TC2N: variants seen among roughly 807,000 people sequenced by gnomAD.
The protein encoded by TC2N is tandem C2 domains nuclear protein.
TC2N carries 51 observed loss-of-function variants against 61.9 expected under a neutral mutation model. The observed-to-expected ratio is 0.82, with a 90% CI of 0.66 to 1.04. The LOEUF is 1.04. TC2N is among the 50% of genes least tolerant of loss of function. The pLI is 0.00. For synonymous variants in TC2N, 204 were observed against 192.6 expected, an observed-to-expected ratio of 1.06 and a Z score of -0.49; for missense variants, 556 against 566.7, an observed-to-expected ratio of 0.98 and a Z score of 0.19.
chr14:91,814,056 GAAAA>G (rs372400811), intron 1 of TC2N, among the ~76,000 whole-genome samples: 1 of 146,904 alleles, frequency 6.8e-6, no homozygotes. Context: ...TTAAAATCTG[GAAAA>G]AAAAAGAAAA....
chr14:91,838,146 CTT>C (rs11406325), intron 1 of TC2N, among the ~76,000 whole-genome samples: 16 of 131,780 alleles, frequency 1.2e-4, no homozygotes, highest in Non-Finnish European at 1.6e-4. Flanking sequence ...TCATTTGTTC[CTT>C]TTTTTTTTTT....
chr14:91,842,370 T>C (rs902988853), intron 1 of TC2N, among the ~76,000 whole-genome samples: 2 of 152,232 alleles, frequency 1.3e-5, no homozygotes, highest in East Asian at 1.9e-4. Context: ...TATGCCCTAG[T>C]AGTGGTCTCC....
intron 1 of TC2N, among the ~76,000 whole-genome samples, chr14:91,853,926 A>AT (rs1566790559): frequency 6.6e-6 from 1 of 152,168 alleles, no homozygotes; most frequent in Non-Finnish European, 1.5e-5. Flanking sequence ...TAAAAAAAAA[A>AT]GTAAGTACTG....
intron 5 of TC2N, among the ~76,000 whole-genome samples, chr14:91,799,602 A>T (rs945242132): frequency 6.6e-6 from 1 of 152,134 alleles, no homozygotes; most frequent in African/African-American, 2.4e-5. Flanking sequence ...TGCTATAAAA[A>T]AATTAAATCT....
rs1353349629 is a variant in TC2N at position 91,867,479 on chromosome 14, C to A, written c.-274G>T. Reference sequence around the variant, plus strand: ...CCCTCTGTTTTATAAGCTTTGAAACCAGAGCATCCTGAGCCATTTGGTGCT... The same window carrying A: ...CCCTCTGTTTTATAAGCTTTGAAACAAGAGCATCCTGAGCCATTTGGTGCT... On this transcript the variant is annotated 5_prime_UTR_variant, in exon 1 of 12. Transcript: ENST00000435962. 6.6e-6 allele frequency: 1 copy of A among 152,202 alleles called. No individual in the cohort carries two copies. The highest frequency in any genetic ancestry group is 1.5e-5 in the Non-Finnish European group (1 of 68,062). 9.4% of individuals were successfully genotyped at this position (152,202 alleles called of 1,614,324 possible).
rs528139113 is a variant in TC2N, at chr14:91,779,950, A to G, written c.*3150T>C. On this transcript the variant is annotated 3_prime_UTR_variant, in exon 12 of 12. Transcript: ENST00000435962. ...AGGAGGCTCCATTAACTCTTTTAAT[A>G]TATTTCTAAATCTTAAATCTATATT... The G allele has an allele frequency of 2.0e-5, 3 of 152,224 alleles. No homozygotes were observed. The highest frequency in any genetic ancestry group is 4.8e-5 in the African/African-American group (2 of 41,462). 9.4% of individuals were successfully genotyped at this position (152,224 alleles called of 1,614,324 possible). A position where few individuals can be genotyped will look rare whatever the true frequency, so the allele number is the denominator to read the frequency against.
intron 11 of TC2N, 102 bp from the exon 12 acceptor site, chr14:91,783,312 C>T: frequency 1.7e-6 from 1 of 601,360 alleles, no homozygotes; most frequent in South Asian, 2.7e-5. Flanking sequence ...TGGAAGTTTG[C>T]TTTACATATT....
Position 91,802,393 on chromosome 14 carries a change from T to G in TC2N, c.330A>C (p.Arg110=). The change falls in exon 4 of 12, where the codon CGA becomes CGC. Residue 110 remains arginine, a synonymous_variant. Coordinates refer to ENST00000435962, the MANE Select transcript of TC2N (RefSeq NM_001128596.3). ...GGGATGAACTGGAAAGTTCTACCTT[T>G]CGATCTCCAAAAGATGCTCTGGCAG... ...EGSARASFGD[R]KVELSSSSQH... 6.2e-7 allele frequency: 1 copy of G among 1,612,534 alleles called. No homozygotes were observed.
At position 91,783,108 on chromosome 14, in the gene TC2N, G is replaced by C. The variant is rs1885200923; in HGVS notation, c.1465C>G (p.Pro489Ala). The change falls in exon 12 of 12, where the codon CCA becomes GCA. Residue 489 changes from proline (P) to alanine (A), a missense_variant. Physicochemically the swap from Pro to Ala is conservative, Grantham distance 27. Coordinates refer to ENST00000435962, the MANE Select transcript of TC2N (RefSeq NM_001128596.3). ...KVVIRWHKLN[P>A]S is the part of the protein sequence containing the mutation. ...ATTAATGTGTGAAGTCTTCAAGATGGATTTAATTTGTGCCACCTGATAACA... is the reference window on the plus strand; with the variant it reads ...ATTAATGTGTGAAGTCTTCAAGATGCATTTAATTTGTGCCACCTGATAACA... 6.3e-7 allele frequency: 1 copy of C among 1,594,204 alleles called. No individual in the cohort carries two copies. Among genetic ancestry groups the C allele is most frequent in the Non-Finnish European group, 8.6e-7 (1 of 1,163,044 alleles).
At chr14:91,798,643 A>G (rs1886043487) in intron 6 of TC2N, among the ~76,000 whole-genome samples, 2 of 152,016 alleles carry the variant, frequency 1.3e-5, no homozygotes, top group African/African-American at 2.4e-5. Flanking sequence ...AGGGATTTAA[A>G]TTAAAACTAA....
At chr14:91,793,257 C>T (rs1885744118) in intron 8 of TC2N, among the ~76,000 whole-genome samples, 1 of 152,232 alleles carries the variant, frequency 6.6e-6, no homozygotes, top group Non-Finnish European at 1.5e-5. Context: ...TATGGGCTAA[C>T]ATATTCTTGA....
At chr14:91,861,400 CAGA>C (rs1888585417) in intron 1 of TC2N, among the ~76,000 whole-genome samples, 1 of 152,176 alleles carries the variant, frequency 6.6e-6, no homozygotes, top group African/African-American at 2.4e-5. Context: ...GAATTTAAGG[CAGA>C]AGAAGTAATA....
In TC2N at chr14:91,785,277, C is replaced by T; in HGVS notation, c.1247G>A (p.Arg416Lys). Residue 416 changes from arginine (R) to lysine (K), a missense_variant, in exon 11 of 12, where the codon AGA (arginine) becomes AAA (lysine). Coordinates refer to ENST00000435962, the MANE Select transcript of TC2N (RefSeq NM_001128596.3). ...KTRLLKASNG[R>K]VKWGETMIFP... ...AATCATAGTCTCTCCCCACTTGACT[C>T]TTCCATTGGAGGCCTTCAGTAAGCG... is the stretch of plus-strand genomic sequence containing the variant. The T allele has an allele frequency of 6.2e-7, 1 of 1,613,384 alleles. No individual in the cohort carries two copies. The highest frequency in any genetic ancestry group is 1.3e-5 in the African/African-American group (1 of 75,012).
At chr14:91,788,865 T>A (rs559199925) in intron 9 of TC2N, among the ~76,000 whole-genome samples, 1 of 152,318 alleles carries the variant, frequency 6.6e-6, no homozygotes, top group Non-Finnish European at 1.5e-5. Flanking sequence ...TGGCAACAAA[T>A]GCTGACTTCT....
At chr14:91,847,289 T>C (rs916430330) in intron 1 of TC2N, among the ~76,000 whole-genome samples, 3 of 152,030 alleles carry the variant, frequency 2.0e-5, no homozygotes, top group Non-Finnish European at 2.9e-5. Flanking sequence ...TGTTTTAGTT[T>C]CTGCAATGGT....
At chr14:91,797,959 T>C (rs1885993832) in intron 7 of TC2N, 58 bp from the exon 8 acceptor site, 2 of 1,130,126 alleles carry the variant, frequency 1.8e-6, no homozygotes, top group Non-Finnish European at 2.6e-6. Context: ...TACAAACATT[T>C]GATGTATTTC....
At position 91,813,804 on chromosome 14, in the gene TC2N, A is replaced by C; in HGVS notation, c.-35T>G. 1 of 1,441,310 alleles carries C rather than the reference A, an allele frequency of 6.9e-7. No homozygotes were observed. The highest frequency in any genetic ancestry group is 1.2e-5 in the South Asian group (1 of 86,288). 89.3% of individuals were successfully genotyped at this position (1,441,310 alleles called of 1,614,324 possible). Reference sequence around the variant, plus strand: ...TTTCCAATATCCAGCAAAAGACACAAACTTCCAATCTTAATATTAATCTGT... The same window carrying C: ...TTTCCAATATCCAGCAAAAGACACACACTTCCAATCTTAATATTAATCTGT... On this transcript the variant is annotated 5_prime_UTR_variant, in exon 2 of 12. Transcript: ENST00000435962.
intron 9 of TC2N, 31 bp from the exon 10 acceptor site, chr14:91,787,658 T>G: frequency 7.5e-7 from 1 of 1,330,098 alleles, no homozygotes; most frequent in Non-Finnish European, 1.1e-6. Flanking sequence ...ATTTGGTAGT[T>G]AAGAATAAAG....
chr14:91,856,716 A>G (rs1888491649), intron 1 of TC2N, among the ~76,000 whole-genome samples: 1 of 152,144 alleles, frequency 6.6e-6, no homozygotes. Flanking sequence ...GCAGCAGTCC[A>G]TCTTCCACCA....
Sources: gnomAD v4.1 joint callset for allele counts (sites outside exome capture counted in the v4.1 genomes callset) on GRCh38, gnomAD v4.1.1 for gene constraint, MANE v1.5 for transcripts, NCBI Gene and HGNC (gene_info 2026-07-23, HGNC 2026-07-21) for gene names.